Variants in XPNPEP2 observed in about 807,000 individuals in gnomAD.
The protein encoded by XPNPEP2 is X-prolyl aminopeptidase 2.
Under a neutral mutation model 59.8 loss-of-function variants are expected in XPNPEP2, and 64 were observed. The ratio of observed to expected loss-of-function variants is 1.07; its 90% CI spans 0.87 to 1.32. The LOEUF is 1.32. Ranked by LOEUF, XPNPEP2 falls within the 40% of genes most tolerant of loss-of-function variation. XPNPEP2 has a pLI of 0.00. For missense variants in XPNPEP2, 575 were observed against 546.8 expected (o/e 1.05, Z -0.51); for synonymous variants, 235 against 210.0 (o/e 1.12, Z -1.03).
chrX:129,753,122 C>T (rs1926451044), intron 10 of XPNPEP2, 37 bp from the exon 11 acceptor site: 24 of 1,152,790 alleles, frequency 2.1e-5, no homozygotes, highest in African/African-American at 1.8e-4. Context: ...CAGACCTGTG[C>T]CCCCAGACCT....
chrX:129,747,799 G>A (rs1487726515), intron 7 of XPNPEP2, 46 bp downstream of exon 7: 3 of 1,209,981 alleles, frequency 2.5e-6, no homozygotes, highest in South Asian at 1.8e-5. Context: ...AGCAACGCAG[G>A]TCCCGGCTGC....
rs145069637 is a variant in XPNPEP2 at position 129,753,076 on chromosome X, A to G, written c.1018-83A>G. ...GTCCTCCTGCCAGTCCTCTGAAAAC[A>G]CCCCTGTGCCATGGAGACCTCCTTT... is the stretch of plus-strand genomic sequence containing the variant. On this transcript the variant is annotated intron_variant, in intron 10 of 20. Transcript: ENST00000371106. 8.8e-4 allele frequency: 704 copies of G among 803,904 alleles called. 7 individuals carry two copies. In the African/African-American group the frequency reaches 0.013, roughly 15 times the overall value. 66.3% of individuals were successfully genotyped at this position (803,904 alleles called of 1,213,427 possible).
intron 2 of XPNPEP2, 23 bp downstream of exon 2, chrX:129,742,204 G>T (rs756056684): frequency 2.1e-6 from 2 of 935,423 alleles, no homozygotes; most frequent in Non-Finnish European, 2.8e-6. Context: ...TGCCCCCCGC[G>T]CACGGCCCCC....
chrX:129,750,006 C>T (rs748517647), intron 7 of XPNPEP2, among the ~76,000 whole-genome samples: 8 of 112,864 alleles, frequency 7.1e-5, no homozygotes, highest in Admixed American at 2.8e-4. Context: ...AAGTTGAACA[C>T]GGCCCCAGCC....
At chrX:129,757,901 A>G (rs372184321) in intron 14 of XPNPEP2, among the ~76,000 whole-genome samples, 337 of 18,951 alleles carry the variant, frequency 0.018, 2 homozygotes, top group Admixed American at 0.039. Flanking sequence ...GAGAGAAAGA[A>G]AGAAAGAAAG....
At chrX:129,751,108 C>CAA (rs1926385804) in intron 8 of XPNPEP2, among the ~76,000 whole-genome samples, 1 of 79,659 alleles carries the variant, frequency 1.3e-5, no homozygotes, top group Admixed American at 1.4e-4. Flanking sequence ...TCCCCCACCC[C>CAA]CCCCCCCCGG....
chrX:129,760,686 A>G (rs1390239279), intron 16 of XPNPEP2, 105 bp downstream of exon 16: 1 of 845,420 alleles, frequency 1.2e-6, no homozygotes, highest in African/African-American at 2.0e-5. Context: ...TCATCATCCC[A>G]TCCCTTATGT....
chrX:129,759,348 G>T lies in XPNPEP2; in HGVS notation c.1428+108G>T, dbSNP rs1926613579. On this transcript the variant is annotated intron_variant, in intron 15 of 20. Coordinates refer to ENST00000371106, the MANE Select transcript of XPNPEP2 (RefSeq NM_003399.6). ...TAAAACTGAAGCTCAGAGAGGTTAAGTAGTTTGCCCAAGGTGACACCACTG... is the reference window on the plus strand; with the variant it reads ...TAAAACTGAAGCTCAGAGAGGTTAATTAGTTTGCCCAAGGTGACACCACTG... The T allele has an allele frequency of 4.0e-6, 4 of 1,000,639 alleles. No individual in the cohort carries two copies. In the South Asian group the frequency reaches 8.3e-5, roughly 21 times the overall value. 82.5% of individuals were successfully genotyped at this position (1,000,639 alleles called of 1,213,427 possible).
In XPNPEP2 at chrX:129,753,269, A is replaced by AC. The variant is rs752631320; in HGVS notation, c.1107+22dup. The AC allele has an allele frequency of 6.7e-6, 8 of 1,189,453 alleles. 1 individual carries two copies. The African/African-American group carries it at 1.2e-4, about 18-fold the overall frequency. Reference sequence around the variant, plus strand: ...GCCACGTAAGTCCACGTTCAGGCAGACATGGCCTTTTGGGAGTATCCAGCC... The same window carrying AC: ...GCCACGTAAGTCCACGTTCAGGCAGACCATGGCCTTTTGGGAGTATCCAGCC... On this transcript the variant is annotated intron_variant, in intron 11 of 20. Transcript: ENST00000371106.
intron 15 of XPNPEP2, among the ~76,000 whole-genome samples, chrX:129,759,582 G>A (rs765969488): frequency 1.8e-5 from 2 of 112,749 alleles, no homozygotes; most frequent in South Asian, 3.6e-4. Flanking sequence ...TGAAGCCTCC[G>A]CGGTGGAAAG....
Position 129,741,231 on chromosome X carries a change from G to A in XPNPEP2, c.50-877G>A, listed in dbSNP as rs768047090. Among the ~76,000 whole-genome samples, 228 of 110,308 alleles carry A rather than the reference G, an allele frequency of 2.1e-3. 1 individual carries two copies. Among genetic ancestry groups the A allele is most frequent in the African/African-American group, 7.1e-3 (215 of 30,249 alleles). Reference sequence around the variant, plus strand: ...GGGGCAGAGCCCAAACTAGAAACTAGATCTCCATATATTCTGTCCCTTCTG... The same window carrying A: ...GGGGCAGAGCCCAAACTAGAAACTAAATCTCCATATATTCTGTCCCTTCTG... On this transcript the variant is annotated intron_variant, in intron 1 of 20. Coordinates refer to ENST00000371106, the MANE Select transcript of XPNPEP2 (RefSeq NM_003399.6).
rs1402810692 is a variant in XPNPEP2 at position 129,759,252 on chromosome X, C to A, written c.1428+12C>A. 1 of 1,209,021 alleles carries A rather than the reference C, an allele frequency of 8.3e-7. No individual in the cohort carries two copies. Among genetic ancestry groups the A allele is most frequent in the Non-Finnish European group, 1.1e-6 (1 of 894,467 alleles). On this transcript the variant is annotated intron_variant, in intron 15 of 20. Transcript: ENST00000371106. Reference sequence around the variant, plus strand: ...CTGCCTTCCAGAAGGTAAGCATGGGCCCAGATTTCCCCTCACCACCTTCCC... The same window carrying A: ...CTGCCTTCCAGAAGGTAAGCATGGGACCAGATTTCCCCTCACCACCTTCCC...
At chrX:129,742,320 C>G (rs1926207335) in intron 2 of XPNPEP2, 139 bp downstream of exon 2, 2 of 347,893 alleles carry the variant, frequency 5.7e-6, no homozygotes, top group Non-Finnish European at 1.0e-5. Context: ...GTTGGTAGCC[C>G]CTCCTCCTAC....
At chrX:129,741,004 C>A (rs1400858848) in intron 1 of XPNPEP2, among the ~76,000 whole-genome samples, 1 of 108,878 alleles carries the variant, frequency 9.2e-6, no homozygotes, top group African/African-American at 3.3e-5. Flanking sequence ...GGCCCCATTA[C>A]CATCTAGGGA....
intron 19 of XPNPEP2, among the ~76,000 whole-genome samples, chrX:129,766,136 A>G (rs1926748010): frequency 1.8e-5 from 2 of 112,290 alleles, no homozygotes; most frequent in South Asian, 7.3e-4. Context: ...TATTTGTCAC[A>G]CAACTCTTGG....
rs1926439880 is a variant in XPNPEP2, at chrX:129,752,464, T to C, written c.1017+119T>C. 6 of 770,931 alleles carry C rather than the reference T, an allele frequency of 7.8e-6. No homozygotes were observed. In the South Asian group the frequency reaches 1.4e-4, roughly 18 times the overall value. The allele number at this position is 770,931 out of a possible 1,213,427, so 63.5% of individuals were successfully genotyped here. A position where few individuals can be genotyped will look rare whatever the true frequency, so the allele number is the denominator to read the frequency against. The stretch of plus-strand genomic sequence containing the variant: ...TTCAGTCATCTGGTCAGCCAACAAC[T>C]GTGCAGTGAGTTCCCTTCTTGGCCT... On this transcript the variant is annotated intron_variant, in intron 10 of 20. Coordinates refer to ENST00000371106, the MANE Select transcript of XPNPEP2 (RefSeq NM_003399.6).
At position 129,755,235 on chromosome X, in the gene XPNPEP2, C is replaced by T. The variant is rs188070969; in HGVS notation, c.1218-59C>T. ...CTTCATTGGATTTGATTAGATATCC[C>T]GGGCCCAGCCTAGTCCAGGGGCCCA... is the stretch of plus-strand genomic sequence containing the variant. On this transcript the variant is annotated intron_variant, in intron 12 of 20. Coordinates refer to ENST00000371106, the MANE Select transcript of XPNPEP2 (RefSeq NM_003399.6). 1.7e-3 allele frequency: 1,866 copies of T among 1,094,161 alleles called. 5 individuals are homozygous for T. In the Middle Eastern group the frequency reaches 0.019, roughly 11 times the overall value. The allele number at this position is 1,094,161 out of a possible 1,213,427, so 90.2% of individuals were successfully genotyped here.
At chrX:129,756,594 C>T (rs748512901) in intron 14 of XPNPEP2, 39 bp downstream of exon 14, 11 of 1,164,544 alleles carry the variant, frequency 9.4e-6, no homozygotes, top group Non-Finnish European at 1.3e-5. Flanking sequence ...GATGTCTCTG[C>T]TCAGACCTCC....
Position 129,761,261 on chromosome X carries a change from C to G in XPNPEP2, c.1588C>G (p.Leu530Val). Residue 530 changes from leucine to valine, a missense_variant, in exon 17 of 21, where the codon CTG (leucine) becomes GTG (valine). Coordinates refer to ENST00000371106, the MANE Select transcript of XPNPEP2 (RefSeq NM_003399.6). ...HGTGHGIGNF[L>V]CVHEWPVGFQ... ...GACAGGCCACGGCATTGGCAACTTCCTGTGTGTGCATGAGTGTAGGTGTCT... is the reference window on the plus strand; with the variant it reads ...GACAGGCCACGGCATTGGCAACTTCGTGTGTGTGCATGAGTGTAGGTGTCT... The G allele has an allele frequency of 8.3e-7, 1 of 1,211,112 alleles. No individual in the cohort carries two copies. The highest frequency in any genetic ancestry group is 1.8e-5 in the South Asian group (1 of 56,993).
Sources: gnomAD v4.1 joint callset for allele counts (sites outside exome capture counted in the v4.1 genomes callset) on GRCh38, gnomAD v4.1.1 for gene constraint, MANE v1.5 for transcripts, NCBI Gene and HGNC (gene_info 2026-07-23, HGNC 2026-07-21) for gene names.